EPM2A: variants seen among roughly 807,000 people sequenced by gnomAD.
EPM2A encodes EPM2A glucan phosphatase, laforin, also known as laforin.
EPM2A carries 21 observed loss-of-function variants against 26.5 expected under a neutral mutation model. The ratio of observed to expected loss-of-function variants is 0.79; its 90% confidence interval spans 0.56 to 1.14. EPM2A has a LOEUF of 1.14. Ranked by LOEUF, EPM2A falls within the 50% of genes most tolerant of loss-of-function variation. The pLI is 0.00. For missense variants in EPM2A, 458 were observed against 440.8 expected (o/e 1.04, Z -0.35); for synonymous variants, 217 against 177.6 (o/e 1.22, Z -1.76).
intron 4 of EPM2A, among the ~76,000 whole-genome samples, chr6:145,444,944 A>G (rs1022326701): frequency 1.3e-5 from 2 of 150,972 alleles, no homozygotes; most frequent in African/African-American, 4.9e-5. Flanking sequence ...TTTTTCATTC[A>G]TGGCTACTAA....
chr6:145,500,200 C>G (rs575458626), downstream of EPM2A, among the ~76,000 whole-genome samples: 3 of 152,294 alleles, frequency 2.0e-5, no homozygotes, highest in South Asian at 6.2e-4. Flanking sequence ...GATGTTCCAA[C>G]TATTTAGAGA....
rs186375099 is a variant in EPM2A at position 145,586,556 on chromosome 6, C to T, written c.340+48689G>A. On this transcript the variant is annotated intron_variant, in intron 2 of 3. Coordinates refer to the EPM2A transcript ENST00000450221. ...ATCATTGAATCTATAGCCAAGGTATCTATTTTTTTGAGCATCATTAAAATG... is the reference window on the plus strand; with the variant it reads ...ATCATTGAATCTATAGCCAAGGTATTTATTTTTTTGAGCATCATTAAAATG... Among the ~76,000 whole-genome samples the T allele has an allele frequency of 4.6e-5, 7 of 152,168 alleles. No individual in the cohort carries two copies. The East Asian group carries it at 7.7e-4, about 17-fold the overall frequency.
intron 2 of EPM2A, among the ~76,000 whole-genome samples, chr6:145,603,530 A>G (rs1781443996): frequency 6.6e-6 from 1 of 152,248 alleles, no homozygotes; most frequent in Non-Finnish European, 1.5e-5. Flanking sequence ...TATTTTAGTT[A>G]CTGGTACTTA....
At chr6:145,542,239 T>G (rs1780522764) in intron 2 of EPM2A, among the ~76,000 whole-genome samples, 1 of 152,228 alleles carries the variant, frequency 6.6e-6, no homozygotes, top group African/African-American at 2.4e-5. Context: ...GTGGGATGCT[T>G]GCATCCACCT....
chr6:145,390,563 TTCTC>T lies in EPM2A; in HGVS notation c.556-6470_556-6467del, dbSNP rs61299104. On this transcript the variant is annotated intron_variant, in intron 4 of 4. Transcript: ENST00000638717. ...TATTTATCCATGTTGTGCATGCACATTCTCTCTCTCTCTCTCTCTCTCTTTCTTT... is the reference window on the plus strand; with the variant it reads ...TATTTATCCATGTTGTGCATGCACATTCTCTCTCTCTCTCTCTCTTTCTTT... Among the ~76,000 whole-genome samples the T allele has an allele frequency of 1.8e-3, 264 of 148,630 alleles. 2 individuals are homozygous for T. The highest frequency in any genetic ancestry group is 5.7e-3 in the African/African-American group (232 of 40,480).
chr6:145,479,305 A>T (rs1779583828), intron 4 of EPM2A, among the ~76,000 whole-genome samples: 1 of 147,694 alleles, frequency 6.8e-6, no homozygotes, highest in Non-Finnish European at 1.5e-5. Flanking sequence ...ATATATATAT[A>T]CATATATATG....
At chr6:145,458,048 C>A (rs2114714189) in intron 4 of EPM2A, among the ~76,000 whole-genome samples, 1 of 152,244 alleles carries the variant, frequency 6.6e-6, no homozygotes, top group South Asian at 2.1e-4. Context: ...TATTAATACC[C>A]AAATACAGAG....
chr6:145,519,629 C>A (rs1304556691), intron 2 of EPM2A, among the ~76,000 whole-genome samples: 1 of 152,064 alleles, frequency 6.6e-6, no homozygotes, highest in Non-Finnish European at 1.5e-5. Flanking sequence ...AGCCAAGGAG[C>A]GCACCACAGA....
At chr6:145,388,657 C>T (rs1196192130) in intron 4 of EPM2A, among the ~76,000 whole-genome samples, 2 of 152,104 alleles carry the variant, frequency 1.3e-5, no homozygotes, top group Admixed American at 6.6e-5. Flanking sequence ...AATGCTGTCC[C>T]TCCCCTTGCC....
chr6:145,639,851 T>G (rs932875666), intron 2 of EPM2A: 1 of 152,184 alleles, frequency 6.6e-6, no homozygotes, highest in Non-Finnish European at 1.5e-5. Context: ...AATGTACTTT[T>G]GTAGAAAAAA....
chr6:145,530,024 C>T (rs896929712), intron 2 of EPM2A, among the ~76,000 whole-genome samples: 7 of 152,158 alleles, frequency 4.6e-5, no homozygotes, highest in Non-Finnish European at 8.8e-5. Flanking sequence ...ATGATCATCA[C>T]TTTGAGGTTC....
At chr6:145,583,432 G>GT (rs1562391647) in intron 2 of EPM2A, among the ~76,000 whole-genome samples, 1 of 152,078 alleles carries the variant, frequency 6.6e-6, no homozygotes, top group African/African-American at 2.4e-5. Flanking sequence ...TTCATGGCTC[G>GT]GCTCAGCACT....
At chr6:145,690,768 G>A (rs1043146985) in intron 1 of EPM2A, among the ~76,000 whole-genome samples, 4 of 151,758 alleles carry the variant, frequency 2.6e-5, no homozygotes, top group South Asian at 2.1e-4. Flanking sequence ...ATGAAGAATC[G>A]GAATGTCTCA....
intron 1 of EPM2A, among the ~76,000 whole-genome samples, chr6:145,719,173 G>A (rs1449832550): frequency 1.7e-4 from 25 of 151,200 alleles, no homozygotes; most frequent in African/African-American, 5.6e-4. Flanking sequence ...ACATGCACAC[G>A]TATGTTTATT....
chr6:145,552,826 A>G (rs1412270285), intron 2 of EPM2A, among the ~76,000 whole-genome samples: 1 of 152,094 alleles, frequency 6.6e-6, no homozygotes, highest in East Asian at 1.9e-4. Flanking sequence ...TCCAGCAAAC[A>G]TTTCCTCAAA....
At chr6:145,570,376 G>T (rs1359598796) in intron 2 of EPM2A, among the ~76,000 whole-genome samples, 1 of 152,044 alleles carries the variant, frequency 6.6e-6, no homozygotes, top group Non-Finnish European at 1.5e-5. Flanking sequence ...TCACACAACT[G>T]AAACTCACCA....
intron 4 of EPM2A, chr6:145,463,508 A>AT (rs1562344807): frequency 5.3e-5 from 8 of 151,990 alleles, no homozygotes; most frequent in South Asian, 2.1e-4. Context: ...TTTTAAACAC[A>AT]TTTTTTTACC....
chr6:145,454,702 A>G (rs1215523631), intron 4 of EPM2A, among the ~76,000 whole-genome samples: 2 of 152,170 alleles, frequency 1.3e-5, no homozygotes, highest in Non-Finnish European at 2.9e-5. Flanking sequence ...TGGGCTTGAG[A>G]TCTGAATTCA....
intron 2 of EPM2A, among the ~76,000 whole-genome samples, chr6:145,654,899 T>A (rs1778152254): frequency 1.3e-5 from 2 of 152,218 alleles, no homozygotes; most frequent in Admixed American, 1.3e-4. Context: ...AAAGTTGAAC[T>A]TGTACAAATT....
Sources: allele counts gnomAD v4.1 joint callset (sites outside exome capture counted in the v4.1 genomes callset), GRCh38; gene constraint gnomAD v4.1.1; transcripts MANE v1.5; gene names NCBI Gene and HGNC (gene_info 2026-07-23, HGNC 2026-07-21).